ATE1: variants seen among roughly 807,000 people sequenced by gnomAD.
ATE1 encodes arginyltransferase 1.
In ATE1, 36 loss-of-function variants were observed where a neutral mutation model predicts 70.5. The observed-to-expected ratio is 0.51, with a 90% CI of 0.39 to 0.67. The LOEUF (loss-of-function observed/expected upper bound fraction) is 0.67. Among genes scored for constraint, ATE1 ranks in the 30% least tolerant of loss-of-function variants. ATE1 has a pLI of 0.00. For missense variants in ATE1, 593 were observed against 629.5 expected (o/e 0.94, Z 0.62); for synonymous variants, 232 against 219.3 (o/e 1.06, Z -0.51).
intron 11 of ATE1, among the ~76,000 whole-genome samples, chr10:121,768,619 C>T (rs1590245461): frequency 1.3e-5 from 2 of 152,110 alleles, no homozygotes; most frequent in Non-Finnish European, 2.9e-5. Flanking sequence ...ACTCTAAGAC[C>T]AGTTTTACCT....
At chr10:121,912,139 G>A (rs1465501735) in intron 4 of ATE1, among the ~76,000 whole-genome samples, 1 of 151,878 alleles carries the variant, frequency 6.6e-6, no homozygotes, top group Non-Finnish European at 1.5e-5. Context: ...ATCCGCCTGT[G>A]TTGGCCTCTC....
Position 121,741,863 on chromosome 10 carries a change from CCTT to C in ATE1, c.*1814_*1816del, listed in dbSNP as rs1189742933. 3 of 152,068 alleles carry C rather than the reference CCTT, an allele frequency of 2.0e-5. No individual in the cohort carries two copies. Among genetic ancestry groups the C allele is most frequent in the Non-Finnish European group, 2.9e-5 (2 of 68,022 alleles). The allele number at this position is 152,068 out of a possible 1,614,324, so 9.4% of individuals were successfully genotyped here. On this transcript the variant is annotated 3_prime_UTR_variant, in exon 12 of 12. Transcript: ENST00000224652. The stretch of plus-strand genomic sequence containing the variant: ...TATACATACATGACAGTTCTTTTCT[CCTT>C]CTGAGTATGGTAGGGTTGTAGATGA...
chr10:121,763,840 C>A (rs963736514), intron 11 of ATE1, among the ~76,000 whole-genome samples: 1 of 152,072 alleles, frequency 6.6e-6, no homozygotes, highest in African/African-American at 2.4e-5. Flanking sequence ...ATGGAGAAAC[C>A]TCCACTCTAC....
chr10:121,789,554 C>T (rs1946350765), intron 11 of ATE1, among the ~76,000 whole-genome samples: 1 of 152,006 alleles, frequency 6.6e-6, no homozygotes, highest in Admixed American at 6.6e-5. Context: ...CTGCCTCAGC[C>T]TCCCAAAGTG....
rs576433644 is a variant in ATE1 at position 121,764,665 on chromosome 10, A to G, written c.1379-20807T>C. Reference sequence around the variant, plus strand: ...AATTAAAAAATTTAAAATCGGTTACACAGAAAAAGAGCCCAAAGCCTCCCT... The same window carrying G: ...AATTAAAAAATTTAAAATCGGTTACGCAGAAAAAGAGCCCAAAGCCTCCCT... On this transcript the variant is annotated intron_variant, in intron 11 of 11. Transcript: ENST00000224652. 3.3e-5 allele frequency among the ~76,000 whole-genome samples: 5 copies of G among 152,322 alleles called. No homozygotes were observed. In the East Asian group the frequency reaches 9.6e-4, roughly 29 times the overall value.
chr10:121,760,015 A>T (rs1260184918), intron 11 of ATE1, among the ~76,000 whole-genome samples: 1 of 152,232 alleles, frequency 6.6e-6, no homozygotes, highest in Admixed American at 6.5e-5. Flanking sequence ...CCTAGATGAC[A>T]GCACATCTGT....
chr10:121,862,932 T>C (rs1488633230), intron 8 of ATE1, among the ~76,000 whole-genome samples: 1 of 137,878 alleles, frequency 7.3e-6, no homozygotes, highest in Non-Finnish European at 1.7e-5. Flanking sequence ...TTAATTTGCA[T>C]GCAATTAAAG....
At chr10:121,764,895 A>C (rs1353827770) in intron 11 of ATE1, among the ~76,000 whole-genome samples, 5 of 152,112 alleles carry the variant, frequency 3.3e-5, no homozygotes, top group African/African-American at 1.2e-4. Flanking sequence ...TTGTCTAGAG[A>C]GTTAAAGTGC....
At chr10:121,902,294 C>CAA in intron 6 of ATE1, 97 bp downstream of exon 6, 1 of 1,070,890 alleles carries the variant, frequency 9.3e-7, no homozygotes, top group Non-Finnish European at 1.3e-6. Flanking sequence ...ATTTAACTAG[C>CAA]AAACATCAAC....
At chr10:121,916,906 G>A (rs944662114) in intron 3 of ATE1, among the ~76,000 whole-genome samples, 1 of 152,004 alleles carries the variant, frequency 6.6e-6, no homozygotes, top group African/African-American at 2.4e-5. Flanking sequence ...GCTCATGCCT[G>A]TAATCCCTGC....
At chr10:121,830,869 T>C (rs2133694628) in intron 10 of ATE1, among the ~76,000 whole-genome samples, 1 of 152,254 alleles carries the variant, frequency 6.6e-6, no homozygotes, top group East Asian at 1.9e-4. Context: ...GAAGAAATAA[T>C]GGGAACGTAA....
At chr10:121,914,691 C>T (rs950451885) in intron 3 of ATE1, among the ~76,000 whole-genome samples, 5 of 152,098 alleles carry the variant, frequency 3.3e-5, no homozygotes, top group African/African-American at 4.8e-5. Context: ...GATGACTAGA[C>T]GACTCCCTAC....
intron 7 of ATE1, among the ~76,000 whole-genome samples, chr10:121,873,113 C>T (rs867223251): frequency 2.0e-5 from 3 of 152,008 alleles, no homozygotes; most frequent in African/African-American, 7.2e-5. Flanking sequence ...AAAGGAATAA[C>T]CTGCATGATA....
At chr10:121,899,527 C>T (rs377349544) in intron 7 of ATE1, among the ~76,000 whole-genome samples, 6 of 152,092 alleles carry the variant, frequency 3.9e-5, no homozygotes, top group East Asian at 1.9e-4. Context: ...AGGCAAAGTA[C>T]GTATCTACCA....
intron 7 of ATE1, among the ~76,000 whole-genome samples, chr10:121,890,570 C>G (rs1590641762): frequency 6.6e-6 from 1 of 152,074 alleles, no homozygotes; most frequent in East Asian, 1.9e-4. Flanking sequence ...ATTTGGGAAA[C>G]AATTAGTCAG....
intron 8 of ATE1, among the ~76,000 whole-genome samples, chr10:121,862,801 A>C (rs576419068): frequency 3.9e-4 from 59 of 152,160 alleles, no homozygotes; most frequent in Non-Finnish European, 7.4e-4. Context: ...AGTGACCTCT[A>C]GTTGCCCTTG....
chr10:121,862,966 A>G (rs1319625082), intron 8 of ATE1, among the ~76,000 whole-genome samples: 3 of 152,040 alleles, frequency 2.0e-5, no homozygotes, highest in Non-Finnish European at 4.4e-5. Context: ...TAGCTAGCCA[A>G]CACCCCATGC....
chr10:121,787,071 C>A (rs924444575), intron 11 of ATE1, among the ~76,000 whole-genome samples: 1 of 152,102 alleles, frequency 6.6e-6, no homozygotes, highest in Non-Finnish European at 1.5e-5. Flanking sequence ...TCCCTCCCCC[C>A]ACAGTACCGC....
At chr10:121,827,911 T>A (rs1245454090) in intron 10 of ATE1, among the ~76,000 whole-genome samples, 1 of 152,248 alleles carries the variant, frequency 6.6e-6, no homozygotes, top group Non-Finnish European at 1.5e-5. Context: ...AGAATATAAC[T>A]GCTACTTATT....
Sources: allele counts gnomAD v4.1 joint callset (sites outside exome capture counted in the v4.1 genomes callset), GRCh38; gene constraint gnomAD v4.1.1; transcripts MANE v1.5; gene names NCBI Gene and HGNC (gene_info 2026-07-23, HGNC 2026-07-21).